Variants in NCAM2 observed in about 807,000 individuals in gnomAD.
The protein encoded by NCAM2 is neural cell adhesion molecule 2, also known as N-CAM-2.
In NCAM2, 30 loss-of-function variants were observed where a neutral mutation model predicts 98.1. That is an observed-to-expected ratio of 0.31 (90% CI 0.23 to 0.41). The LOEUF is 0.41. Ranked by LOEUF, NCAM2 falls within the 10% of genes least tolerant of loss-of-function variation. NCAM2 has a pLI of 1.00. For missense variants in NCAM2, 867 were observed against 1,005.8 expected (o/e 0.86, Z 1.87); for synonymous variants, 368 against 342.4 (o/e 1.07, Z -0.83).
At chr21:21,496,022 A>G (rs1251266231) in intron 15 of NCAM2, among the ~76,000 whole-genome samples, 1 of 148,454 alleles carries the variant, frequency 6.7e-6, no homozygotes, top group South Asian at 2.1e-4. Context: ...TATATAATAT[A>G]TAAAATATAT....
At position 21,541,517 on chromosome 21, in the gene NCAM2, A is replaced by G. The variant is rs1039171262; in HGVS notation, c.*3560A>G. 19 of 151,886 alleles carry G rather than the reference A, an allele frequency of 1.3e-4. No homozygotes were observed. Among genetic ancestry groups the G allele is most frequent in the African/African-American group, 4.6e-4 (19 of 41,550 alleles). The allele number at this position is 151,886 out of a possible 1,614,324, so 9.4% of individuals were successfully genotyped here. On this transcript the variant is annotated 3_prime_UTR_variant, in exon 18 of 18. Coordinates refer to ENST00000400546, the MANE Select transcript of NCAM2 (RefSeq NM_004540.5). ...TACATTCTAGATATTGTTGAAATTA[A>G]ATTTTGCCAGTTGTAAGACAAAGAC...
chr21:21,502,889 T>A (rs2146339392), intron 15 of NCAM2, among the ~76,000 whole-genome samples: 1 of 152,060 alleles, frequency 6.6e-6, no homozygotes, highest in South Asian at 2.1e-4. Context: ...GAAATTAATT[T>A]TCAGTCTACC....
At chr21:21,365,427 T>G (rs572182971) in intron 8 of NCAM2, among the ~76,000 whole-genome samples, 5 of 151,944 alleles carry the variant, frequency 3.3e-5, no homozygotes, top group African/African-American at 1.2e-4. Context: ...TTCAAGTAAC[T>G]TAATGTCTCA....
chr21:21,100,320 G>A (rs1034741413), intron 1 of NCAM2, among the ~76,000 whole-genome samples: 6 of 151,866 alleles, frequency 4.0e-5, no homozygotes, highest in African/African-American at 1.2e-4. Context: ...TACTGAAGAC[G>A]AGAGCCTGTA....
intron 1 of NCAM2, among the ~76,000 whole-genome samples, chr21:21,141,727 T>C (rs1472984011): frequency 6.6e-6 from 1 of 152,196 alleles, no homozygotes. Context: ...GGTAGTCTTT[T>C]GGAGAGCCTC....
intron 15 of NCAM2, among the ~76,000 whole-genome samples, chr21:21,494,132 C>G (rs943592750): frequency 6.6e-6 from 1 of 151,828 alleles, no homozygotes; most frequent in Non-Finnish European, 1.5e-5. Context: ...TATTTGCTCA[C>G]ATTTTTCATT....
intron 8 of NCAM2, among the ~76,000 whole-genome samples, chr21:21,364,178 C>T (rs983531734): frequency 4.0e-5 from 6 of 151,764 alleles, no homozygotes; most frequent in African/African-American, 7.3e-5. Context: ...GATGAAATTG[C>T]GGTTTTCAGA....
chr21:21,258,836 C>T (rs749899557), intron 1 of NCAM2, among the ~76,000 whole-genome samples: 14 of 152,038 alleles, frequency 9.2e-5, no homozygotes, highest in South Asian at 6.2e-4. Flanking sequence ...AGAGAGAGTG[C>T]CTGCGGAGCT....
intron 1 of NCAM2, among the ~76,000 whole-genome samples, chr21:21,044,620 A>G (rs919679376): frequency 2.0e-5 from 3 of 152,230 alleles, no homozygotes; most frequent in Non-Finnish European, 4.4e-5. Context: ...GAATAAAAAT[A>G]AAAGAATTAT....
chr21:21,402,809 T>A (rs2076660857), intron 9 of NCAM2, among the ~76,000 whole-genome samples: 1 of 152,168 alleles, frequency 6.6e-6, no homozygotes, highest in Non-Finnish European at 1.5e-5. Context: ...ATAAAGAACC[T>A]ACACTGAAAT....
intron 5 of NCAM2, among the ~76,000 whole-genome samples, chr21:21,294,583 A>C (rs1395822187): frequency 6.6e-6 from 1 of 151,942 alleles, no homozygotes; most frequent in Admixed American, 6.6e-5. Flanking sequence ...AAACTCGCGT[A>C]GCTTAAAATT....
chr21:21,379,766 G>A (rs2076111420), intron 9 of NCAM2, among the ~76,000 whole-genome samples: 1 of 151,798 alleles, frequency 6.6e-6, no homozygotes, highest in African/African-American at 2.4e-5. Context: ...GTAAATTATG[G>A]TATTTGCACT....
intron 1 of NCAM2, among the ~76,000 whole-genome samples, chr21:21,211,972 A>G (rs200875641): frequency 6.6e-6 from 1 of 152,220 alleles, no homozygotes; most frequent in Non-Finnish European, 1.5e-5. Context: ...GTAAAATAGT[A>G]CAGCCACTTG....
chr21:21,392,540 T>C (rs1416500463), intron 9 of NCAM2, among the ~76,000 whole-genome samples: 1 of 152,220 alleles, frequency 6.6e-6, no homozygotes, highest in Non-Finnish European at 1.5e-5. Flanking sequence ...TCTTCCACAA[T>C]GGCTGAACTA....
chr21:21,201,664 C>T (rs540194307), intron 1 of NCAM2, among the ~76,000 whole-genome samples: 5 of 152,224 alleles, frequency 3.3e-5, no homozygotes, highest in African/African-American at 1.2e-4. Flanking sequence ...TGTTAATATT[C>T]ATTGTTGTAA....
At chr21:21,021,503 A>G (rs1357341260) in intron 1 of NCAM2, among the ~76,000 whole-genome samples, 1 of 152,206 alleles carries the variant, frequency 6.6e-6, no homozygotes, top group Admixed American at 6.5e-5. Flanking sequence ...GACATGTAAG[A>G]ATGAAATAGA....
chr21:21,406,580 C>G (rs994343581), intron 9 of NCAM2, among the ~76,000 whole-genome samples: 2 of 152,182 alleles, frequency 1.3e-5, no homozygotes, highest in Admixed American at 1.3e-4. Context: ...GTCACTGGCA[C>G]TGGAGGCTTT....
At chr21:21,027,910 G>A (rs150332667) in intron 1 of NCAM2, among the ~76,000 whole-genome samples, 7,445 of 150,024 alleles carry the variant, frequency 0.05, 221 homozygotes, top group East Asian at 0.069. Flanking sequence ...AGGCTGGAGT[G>A]CGGTGGCACG....
intron 1 of NCAM2, chr21:21,210,564 G>A: frequency 7.8e-7 from 1 of 1,288,330 alleles, no homozygotes; most frequent in Non-Finnish European, 1.0e-6. Flanking sequence ...GTACCACGAT[G>A]GTGAGATCTG....
Sources: allele counts gnomAD v4.1 joint callset (sites outside exome capture counted in the v4.1 genomes callset), GRCh38; gene constraint gnomAD v4.1.1; transcripts MANE v1.5; gene names NCBI Gene and HGNC (gene_info 2026-07-23, HGNC 2026-07-21).